STPG2: variants seen among roughly 807,000 people sequenced by gnomAD.
STPG2 encodes the protein sperm-tail PG-rich repeat-containing protein 2.
In STPG2, 56 loss-of-function variants were observed where a neutral mutation model predicts 54.2. The ratio of observed to expected loss-of-function variants is 1.03; its 90% CI spans 0.83 to 1.29. STPG2 has a LOEUF of 1.29. Ranked by LOEUF, STPG2 falls within the 50% of genes most tolerant of loss-of-function variation. STPG2 has a pLI of 0.00. For missense variants in STPG2, 596 were observed against 544.9 expected (o/e 1.09, Z -0.93); for synonymous variants, 200 against 181.8 (o/e 1.10, Z -0.81).
chr4:97,825,262 CT>C (rs1173653881), intron 9 of STPG2, among the ~76,000 whole-genome samples: 4 of 152,222 alleles, frequency 2.6e-5, no homozygotes, highest in African/African-American at 9.6e-5. Flanking sequence ...ACAACTTTAA[CT>C]TTTGGGGGTG....
At chr4:98,036,784 G>A (rs1424478919) in intron 5 of STPG2, among the ~76,000 whole-genome samples, 1 of 151,970 alleles carries the variant, frequency 6.6e-6, no homozygotes, top group African/African-American at 2.4e-5. Flanking sequence ...TAACAAACCT[G>A]CACTTGTATC....
intron 5 of STPG2, among the ~76,000 whole-genome samples, chr4:98,023,290 C>G (rs755582749): frequency 4.2e-4 from 63 of 150,980 alleles, no homozygotes; most frequent in Non-Finnish European, 7.7e-4. Flanking sequence ...CACTCCAGAC[C>G]CTGTTTGCCT....
At chr4:97,990,418 C>G (rs972719820) in intron 5 of STPG2, among the ~76,000 whole-genome samples, 1 of 152,006 alleles carries the variant, frequency 6.6e-6, no homozygotes, top group Admixed American at 6.6e-5. Context: ...TTGAGGAGAC[C>G]AACCCTCAAA....
chr4:97,840,796 A>G lies in STPG2; in HGVS notation c.1181T>C (p.Leu394Pro). The G allele has an allele frequency of 6.2e-7, 1 of 1,611,362 alleles. No homozygotes were observed. ...ASFLSATPRC[L>P]EKVTDGPGPA... is the part of the protein sequence containing the mutation. ...ACCTGGCCCATCAGTCACTTTTTCTAGGCACCGAGGAGTTGCACTAAGAAA... is the reference window on the plus strand; with the variant it reads ...ACCTGGCCCATCAGTCACTTTTTCTGGGCACCGAGGAGTTGCACTAAGAAA... The change falls in exon 9 of 11, where the codon CTA (leucine) becomes CCA (proline). Residue 394 changes from leucine (L) to proline (P), a missense_variant. Leu to Pro is a moderately conservative substitution (Grantham distance 98). Transcript: ENST00000295268.
chr4:97,755,901 A>C (rs1448084736), intron 9 of STPG2, among the ~76,000 whole-genome samples: 11 of 152,198 alleles, frequency 7.2e-5, no homozygotes, highest in Admixed American at 5.2e-4. Flanking sequence ...AAATTCTCTA[A>C]AGAGTTAGAA....
intron 4 of STPG2, among the ~76,000 whole-genome samples, chr4:97,443,657 G>T (rs1418394294): frequency 6.6e-6 from 1 of 152,034 alleles, no homozygotes; most frequent in Non-Finnish European, 1.5e-5. Context: ...TTCTGGACAG[G>T]CACAATCCCA....
At chr4:97,444,378 G>A (rs117430746) in intron 4 of STPG2, among the ~76,000 whole-genome samples, 47 of 152,122 alleles carry the variant, frequency 3.1e-4, no homozygotes, top group Middle Eastern at 6.8e-3. Context: ...TTTTTTTAAC[G>A]CATAAAAAAG....
chr4:97,562,736 G>C (rs1159997258), intron 10 of STPG2, among the ~76,000 whole-genome samples: 1 of 151,938 alleles, frequency 6.6e-6, no homozygotes, highest in East Asian at 1.9e-4. Context: ...TTATATGCTG[G>C]ATTACATTTA....
intron 8 of STPG2, among the ~76,000 whole-genome samples, chr4:97,908,083 C>A (rs1214406650): frequency 6.6e-6 from 1 of 151,548 alleles, no homozygotes; most frequent in Non-Finnish European, 1.5e-5. Flanking sequence ...GAACAGGCAA[C>A]CTACAAAATG....
chr4:97,512,511 C>G (rs1424032844), intron 4 of STPG2, among the ~76,000 whole-genome samples: 1 of 151,572 alleles, frequency 6.6e-6, no homozygotes, highest in Non-Finnish European at 1.5e-5. Flanking sequence ...GTAGCTAAAG[C>G]TAGGATTGTG....
At chr4:97,757,959 T>G (rs1170611559) in intron 9 of STPG2, among the ~76,000 whole-genome samples, 2 of 152,248 alleles carry the variant, frequency 1.3e-5, no homozygotes, top group Non-Finnish European at 2.9e-5. Flanking sequence ...TTGTAAATGT[T>G]GCTAAATGAG....
chr4:97,860,272 T>G (rs150631173), intron 8 of STPG2, among the ~76,000 whole-genome samples: 1 of 152,132 alleles, frequency 6.6e-6, no homozygotes, highest in South Asian at 2.1e-4. Flanking sequence ...AGAATCATGA[T>G]GGTACTTTTA....
At chr4:98,027,286 C>T (rs1736453114) in intron 5 of STPG2, among the ~76,000 whole-genome samples, 2 of 152,112 alleles carry the variant, frequency 1.3e-5, no homozygotes, top group South Asian at 4.1e-4. Context: ...ATATGAACAT[C>T]GTTAGGGGGA....
At chr4:97,480,307 G>A (rs779559801) in intron 4 of STPG2, among the ~76,000 whole-genome samples, 19 of 151,286 alleles carry the variant, frequency 1.3e-4, no homozygotes, top group African/African-American at 2.7e-4. Context: ...AAGTCTTTCC[G>A]GTTTACCCAT....
chr4:97,923,991 CCCACTTGGGTCCCCTT>C (rs1175980081), intron 8 of STPG2, among the ~76,000 whole-genome samples: 2 of 152,156 alleles, frequency 1.3e-5, no homozygotes, highest in Non-Finnish European at 2.9e-5. Flanking sequence ...GCAGTGGCAA[CCCACTTGGGTCCCCTT>C]CCACAATGTG....
intron 4 of STPG2, among the ~76,000 whole-genome samples, chr4:97,442,721 T>C (rs1302235814): frequency 6.6e-6 from 1 of 152,172 alleles, no homozygotes; most frequent in Non-Finnish European, 1.5e-5. Context: ...TATTTTTGTG[T>C]GACACCATGT....
At chr4:98,094,502 AC>A (rs1161605164) in intron 5 of STPG2, among the ~76,000 whole-genome samples, 1 of 152,106 alleles carries the variant, frequency 6.6e-6, no homozygotes, top group Non-Finnish European at 1.5e-5. Context: ...TCTCGCACCA[AC>A]TCGACCAGTG....
intron 8 of STPG2, among the ~76,000 whole-genome samples, chr4:97,940,687 C>A (rs945139588): frequency 1.3e-5 from 2 of 152,110 alleles, no homozygotes; most frequent in African/African-American, 2.4e-5. Context: ...CTATTTCATC[C>A]TTCAGCTCCT....
chr4:97,832,875 G>A (rs1040400447), intron 9 of STPG2, among the ~76,000 whole-genome samples: 1 of 152,072 alleles, frequency 6.6e-6, no homozygotes, highest in Non-Finnish European at 1.5e-5. Flanking sequence ...ACAAATAAAT[G>A]GAAATACATT....
Sources: allele counts gnomAD v4.1 joint callset (sites outside exome capture counted in the v4.1 genomes callset), GRCh38; gene constraint gnomAD v4.1.1; transcripts MANE v1.5; gene names NCBI Gene and HGNC (gene_info 2026-07-23, HGNC 2026-07-21).